The following CPPED1 variants were observed in gnomAD, a reference collection of about 807,000 sequenced individuals.
CPPED1 encodes calcineurin like phosphoesterase domain containing 1.
CPPED1 carries 28 observed loss-of-function variants against 28.0 expected under a neutral mutation model. The observed-to-expected ratio is 1.00, with a 90% CI of 0.74 to 1.37. The LOEUF is 1.37. Among genes scored for constraint, CPPED1 ranks in the 40% most tolerant of loss-of-function variants. CPPED1 has a pLI of 0.00. For missense variants in CPPED1, 504 were observed against 416.5 expected (o/e 1.21, Z -1.83); for synonymous variants, 198 against 180.2 (o/e 1.10, Z -0.79).
intron 2 of CPPED1, among the ~76,000 whole-genome samples, chr16:12,763,766 T>A (rs2080423251): frequency 6.6e-6 from 1 of 152,100 alleles, no homozygotes; most frequent in African/African-American, 2.4e-5. Context: ...TACACAAACG[T>A]ATGGACTCCA....
intron 2 of CPPED1, among the ~76,000 whole-genome samples, chr16:12,744,106 C>T (rs565059032): frequency 9.2e-5 from 14 of 152,182 alleles, no homozygotes; most frequent in African/African-American, 3.4e-4. Context: ...GAAACCCTGT[C>T]TCTACTAAAA....
At position 12,670,386 on chromosome 16, in the gene CPPED1, G is replaced by A. The variant is rs1447871352; in HGVS notation, c.716-5271C>T. Reference sequence around the variant, plus strand: ...GGGGGAGAAACATCTCCTACACACAGAAGAGTAACAAATAAATGACACAGA... The same window carrying A: ...GGGGGAGAAACATCTCCTACACACAAAAGAGTAACAAATAAATGACACAGA... On this transcript the variant is annotated intron_variant, in intron 3 of 3. Transcript: ENST00000381774. This position sits in a 1 kb window ranked among gnomAD's most constrained non-coding sequence, Gnocchi z 4.2. Among the ~76,000 whole-genome samples, 1 of 152,120 alleles carries A rather than the reference G, an allele frequency of 6.6e-6. No homozygotes were observed. The highest frequency in any genetic ancestry group is 1.5e-5 in the Non-Finnish European group (1 of 68,022).
chr16:12,734,057 C>A (rs868026986), intron 2 of CPPED1, among the ~76,000 whole-genome samples: 1 of 102,988 alleles, frequency 9.7e-6, no homozygotes, highest in Non-Finnish European at 1.8e-5. Context: ...TCAAATTACA[C>A]GTTTTTTTTT....
chr16:12,693,621 C>T (rs1343736664), intron 3 of CPPED1, among the ~76,000 whole-genome samples: 1 of 152,140 alleles, frequency 6.6e-6, no homozygotes, highest in Non-Finnish European at 1.5e-5. Flanking sequence ...TAGATTTGTA[C>T]TTACACTGTG....
At chr16:12,739,553 T>A (rs1014115321) in intron 2 of CPPED1, among the ~76,000 whole-genome samples, 3 of 151,952 alleles carry the variant, frequency 2.0e-5, no homozygotes, top group Non-Finnish European at 4.4e-5. Flanking sequence ...TGCCCTCCAG[T>A]CTGGACAACA....
At chr16:12,758,386 C>T (rs1044424580) in intron 2 of CPPED1, among the ~76,000 whole-genome samples, 9 of 152,098 alleles carry the variant, frequency 5.9e-5, no homozygotes, top group East Asian at 1.9e-4. Flanking sequence ...ATGTTTTGAG[C>T]GCCTATGATG....
chr16:12,787,674 A>G lies in CPPED1; in HGVS notation c.71-6271T>C, dbSNP rs542924180. 2.0e-5 allele frequency among the ~76,000 whole-genome samples: 3 copies of G among 152,158 alleles called. No individual in the cohort carries two copies. In the East Asian group the frequency reaches 5.8e-4, roughly 29 times the overall value. ...CCCGTCTCAGCCTCCCAAAGTGCTG[A>G]GATTACAGGCATGAGCCACCACACC... On this transcript the variant is annotated intron_variant, in intron 1 of 3. Transcript: ENST00000381774.
chr16:12,709,996 GAAGGAAGGA>G lies in CPPED1; in HGVS notation c.290-4956_290-4948del, dbSNP rs1175079614. 6.7e-6 allele frequency among the ~76,000 whole-genome samples: 1 copy of G among 148,872 alleles called. No homozygotes were observed. Among genetic ancestry groups the G allele is most frequent in the African/African-American group, 2.5e-5 (1 of 40,326 alleles). ...AGGAAGGAAGGAAGGGAAGAGAAGA[GAAGGAAGGA>G]AGGGAAGGAAGGGAGGGAAGGAAAG... On this transcript the variant is annotated intron_variant, in intron 2 of 3. Coordinates refer to ENST00000381774, the MANE Select transcript of CPPED1 (RefSeq NM_018340.3). This position sits in a 1 kb window ranked among gnomAD's most constrained non-coding sequence, Gnocchi z 4.4.
chr16:12,744,340 G>A (rs890848101), intron 2 of CPPED1, among the ~76,000 whole-genome samples: 2 of 152,006 alleles, frequency 1.3e-5, no homozygotes, highest in Non-Finnish European at 2.9e-5. Context: ...AAGCAAGCAA[G>A]CAAGCTCAAC....
intron 2 of CPPED1, among the ~76,000 whole-genome samples, chr16:12,707,278 G>C (rs1567282066): frequency 6.6e-6 from 1 of 152,154 alleles, no homozygotes; most frequent in Admixed American, 6.5e-5. Context: ...CACTGACTTG[G>C]GGATTTTGGG....
At chr16:12,773,483 G>A (rs945526349) in intron 2 of CPPED1, among the ~76,000 whole-genome samples, 1 of 152,182 alleles carries the variant, frequency 6.6e-6, no homozygotes, top group African/African-American at 2.4e-5. Flanking sequence ...AACACTTTGG[G>A]AGGACGAGGC....
chr16:12,766,447 G>A (rs1367003398), intron 2 of CPPED1, among the ~76,000 whole-genome samples: 1 of 104,112 alleles, frequency 9.6e-6, no homozygotes, highest in African/African-American at 6.1e-5. Flanking sequence ...GGCAGCAAGA[G>A]AAAAATGAGG....
chr16:12,689,804 T>C (rs886430651), intron 3 of CPPED1, among the ~76,000 whole-genome samples: 3 of 152,194 alleles, frequency 2.0e-5, no homozygotes, highest in African/African-American at 4.8e-5. Flanking sequence ...TTATGAAGAT[T>C]GATAAAATCT....
chr16:12,719,223 C>A (rs917941794), intron 2 of CPPED1, among the ~76,000 whole-genome samples: 2 of 152,038 alleles, frequency 1.3e-5, no homozygotes, highest in African/African-American at 4.8e-5. Context: ...AACCCCGACT[C>A]TACTAAAAAC....
intron 2 of CPPED1, among the ~76,000 whole-genome samples, chr16:12,740,025 G>GAAAGAAAAGAAAAGA (rs143957219): frequency 6.6e-4 from 85 of 128,634 alleles, no homozygotes; most frequent in African/African-American, 2.2e-3. Flanking sequence ...AAAGACGAAA[G>GAAAGAAAAGAAAAGA]AAAGAAAAGA....
chr16:12,695,133 G>A (rs2079983349), intron 3 of CPPED1, among the ~76,000 whole-genome samples: 2 of 152,108 alleles, frequency 1.3e-5, no homozygotes, highest in Non-Finnish European at 2.9e-5. Flanking sequence ...CTGCCCTGTG[G>A]ACAGGTTTGC....
chr16:12,799,936 C>G (rs750559645), intron 1 of CPPED1, among the ~76,000 whole-genome samples: 2 of 152,180 alleles, frequency 1.3e-5, no homozygotes, highest in African/African-American at 2.4e-5. Context: ...CTCCTATCAG[C>G]AGGGTAGGTA....
At chr16:12,687,862 C>A (rs1423663853) in intron 3 of CPPED1, among the ~76,000 whole-genome samples, 2 of 151,916 alleles carry the variant, frequency 1.3e-5, no homozygotes, top group African/African-American at 4.8e-5. Context: ...CAAAAGCAGG[C>A]ACTTAACTGA....
intron 2 of CPPED1, among the ~76,000 whole-genome samples, chr16:12,717,426 G>T (rs1004788408): frequency 6.6e-6 from 1 of 152,144 alleles, no homozygotes; most frequent in Non-Finnish European, 1.5e-5. Context: ...ACTGCGCCTG[G>T]CTAATTTTTT....
Sources: gnomAD v4.1 joint callset for allele counts (sites outside exome capture counted in the v4.1 genomes callset) on GRCh38, gnomAD v4.1.1 for gene constraint, Gnocchi (gnomAD v3.1) non-coding constraint, MANE v1.5 for transcripts, NCBI Gene and HGNC (gene_info 2026-07-23, HGNC 2026-07-21) for gene names.